Variants in GRID2 observed in about 807,000 individuals in gnomAD.
GRID2 encodes the protein glutamate receptor ionotropic, delta-2.
GRID2 carries 33 observed loss-of-function variants against 114.8 expected under a neutral mutation model. That is an observed-to-expected ratio of 0.29 (90% CI 0.22 to 0.38). The LOEUF (loss-of-function observed/expected upper bound fraction) is 0.38, where lower values mean the gene tolerates loss of function less well. GRID2 is among the 10% of genes least tolerant of loss of function. The pLI is 1.00. For synonymous variants in GRID2, 505 were observed against 449.9 expected (o/e 1.12, Z -1.55); for missense variants, 1,184 against 1,257.7 (o/e 0.94, Z 0.89).
At chr4:93,210,851 A>C (rs918536805) in intron 5 of GRID2, among the ~76,000 whole-genome samples, 19 of 151,980 alleles carry the variant, frequency 1.3e-4, no homozygotes, top group Non-Finnish European at 2.5e-4. Context: ...TTTCTAGATT[A>C]CTTTTTTTGA....
At chr4:92,569,476 G>A (rs993016688) in intron 1 of GRID2, among the ~76,000 whole-genome samples, 5 of 151,826 alleles carry the variant, frequency 3.3e-5, no homozygotes, top group East Asian at 3.9e-4. Flanking sequence ...ATATTCCTTC[G>A]GGTATATACC....
intron 13 of GRID2, among the ~76,000 whole-genome samples, chr4:93,623,240 G>C (rs1339831278): frequency 6.6e-6 from 1 of 151,966 alleles, no homozygotes; most frequent in African/African-American, 2.4e-5. Flanking sequence ...ACATGCCATG[G>C]TGGTTTGCTG....
intron 2 of GRID2, among the ~76,000 whole-genome samples, chr4:92,791,334 A>G (rs1046699647): frequency 6.6e-6 from 1 of 151,806 alleles, no homozygotes; most frequent in Non-Finnish European, 1.5e-5. Context: ...TACCTACAGA[A>G]TAAGGAAAGT....
chr4:93,340,335 A>C (rs1216280895), intron 8 of GRID2, among the ~76,000 whole-genome samples: 1 of 145,352 alleles, frequency 6.9e-6, no homozygotes, highest in Non-Finnish European at 1.5e-5. Flanking sequence ...CTTTTTCTTA[A>C]AGTTCTTTTT....
intron 13 of GRID2, among the ~76,000 whole-genome samples, chr4:93,625,965 A>G (rs1445891727): frequency 6.6e-6 from 1 of 152,162 alleles, no homozygotes; most frequent in Non-Finnish European, 1.5e-5. Context: ...AACTGTTTAC[A>G]TAGCATATGT....
chr4:93,741,749 C>G (rs1731437751), intron 14 of GRID2, among the ~76,000 whole-genome samples: 1 of 151,896 alleles, frequency 6.6e-6, no homozygotes, highest in South Asian at 2.1e-4. Context: ...CATGGTGAAA[C>G]CCCATCACTA....
chr4:93,757,214 CA>C (rs1313963334), intron 14 of GRID2, among the ~76,000 whole-genome samples: 3 of 151,582 alleles, frequency 2.0e-5, no homozygotes, highest in African/African-American at 4.8e-5. Context: ...GGCTAACATC[CA>C]AAAAAAAGAA....
At chr4:93,303,123 A>G (rs1475075458) in intron 8 of GRID2, among the ~76,000 whole-genome samples, 1 of 152,106 alleles carries the variant, frequency 6.6e-6, no homozygotes, top group African/African-American at 2.4e-5. Context: ...ACACTTTTAA[A>G]CAACCAGATC....
intron 8 of GRID2, among the ~76,000 whole-genome samples, chr4:93,327,501 C>T (rs1757960962): frequency 1.3e-5 from 2 of 152,032 alleles, no homozygotes; most frequent in Admixed American, 6.6e-5. Flanking sequence ...AAGACTCTCC[C>T]TTGTATAGTC....
At chr4:92,922,884 T>C (rs1238899381) in intron 2 of GRID2, among the ~76,000 whole-genome samples, 1 of 152,138 alleles carries the variant, frequency 6.6e-6, no homozygotes, top group Non-Finnish European at 1.5e-5. Context: ...AGGGCTTACT[T>C]GGGGGAAGAA....
At chr4:92,810,286 A>G (rs1578221092) in intron 2 of GRID2, among the ~76,000 whole-genome samples, 1 of 151,266 alleles carries the variant, frequency 6.6e-6, no homozygotes, top group African/African-American at 2.4e-5. Flanking sequence ...TCCTTAATTT[A>G]TGAGTTATTT....
chr4:92,739,562 T>C (rs1736770201), intron 2 of GRID2, among the ~76,000 whole-genome samples: 1 of 152,152 alleles, frequency 6.6e-6, no homozygotes, highest in South Asian at 2.1e-4. Flanking sequence ...CTCAAACCAG[T>C]CCGTCCTGTG....
intron 13 of GRID2, among the ~76,000 whole-genome samples, chr4:93,557,318 C>T (rs1734420149): frequency 6.6e-6 from 1 of 152,174 alleles, no homozygotes; most frequent in Non-Finnish European, 1.5e-5. Context: ...AGTCAAGACC[C>T]ATCAGTGTGC....
Position 92,430,385 on chromosome 4 carries a change from G to A in GRID2, c.88+125641G>A, listed in dbSNP as rs529828490. Among the ~76,000 whole-genome samples, 6 of 152,116 alleles carry A rather than the reference G, an allele frequency of 3.9e-5. No individual in the cohort carries two copies. The East Asian group carries it at 1.2e-3, about 29-fold the overall frequency. On this transcript the variant is annotated intron_variant, in intron 1 of 15. Coordinates refer to ENST00000282020, the MANE Select transcript of GRID2 (RefSeq NM_001510.4). ...TTCTTTTCTCCAAAGTATATTTTTG[G>A]CATCTTTGTTGAAAATGAGTTCACT...
At chr4:93,336,200 A>G (rs1759071256) in intron 8 of GRID2, among the ~76,000 whole-genome samples, 1 of 152,176 alleles carries the variant, frequency 6.6e-6, no homozygotes, top group African/African-American at 2.4e-5. Flanking sequence ...GTTGGTGTAA[A>G]TAATTTCTGT....
intron 1 of GRID2, among the ~76,000 whole-genome samples, chr4:92,381,200 G>A (rs910336452): frequency 6.6e-6 from 1 of 150,978 alleles, no homozygotes; most frequent in Non-Finnish European, 1.5e-5. Flanking sequence ...GAAAACAGAG[G>A]TACGAATCAT....
chr4:92,486,307 TA>T, intron 1 of GRID2, among the ~76,000 whole-genome samples: 1 of 151,632 alleles, frequency 6.6e-6, no homozygotes. Flanking sequence ...GTATACAGCA[TA>T]AAAAATAGAA....
At chr4:93,340,991 A>G (rs1759590524) in intron 8 of GRID2, among the ~76,000 whole-genome samples, 1 of 152,148 alleles carries the variant, frequency 6.6e-6, no homozygotes, top group South Asian at 2.1e-4. Context: ...GGGTCTATCT[A>G]ATTTATTCTG....
At chr4:92,649,793 CTT>C (rs1289137279) in intron 2 of GRID2, among the ~76,000 whole-genome samples, 1 of 151,992 alleles carries the variant, frequency 6.6e-6, no homozygotes, top group Non-Finnish European at 1.5e-5. Context: ...AATTTTTACT[CTT>C]GATATCTCGT....
Sources: allele counts gnomAD v4.1 joint callset (sites outside exome capture counted in the v4.1 genomes callset), GRCh38; gene constraint gnomAD v4.1.1; transcripts MANE v1.5; gene names NCBI Gene and HGNC (gene_info 2026-07-23, HGNC 2026-07-21).